Variants in KIR3DL1 observed in about 807,000 individuals in gnomAD.
The protein encoded by KIR3DL1 is killer cell immunoglobulin like receptor, three Ig domains and long cytoplasmic tail 1.
A neutral mutation model predicts 40.3 loss-of-function variants in KIR3DL1; 50 were observed. The ratio of observed to expected loss-of-function variants is 1.24; its 90% confidence interval spans 0.99 to 1.57. The LOEUF (loss-of-function observed/expected upper bound fraction) is 1.57. KIR3DL1 is among the 40% of genes most tolerant of loss of function. KIR3DL1 has a pLI of 0.00. For synonymous variants in KIR3DL1, 257 were observed against 207.2 expected (o/e 1.24, Z -2.07); for missense variants, 661 against 559.9 (o/e 1.18, Z -1.82).
At chr19:54,821,529 G>A (rs781179821) in intron 4 of KIR3DL1, 36 bp from the exon 5 acceptor site, 1 of 1,586,954 alleles carries the variant, frequency 6.3e-7, no homozygotes, top group Non-Finnish European at 8.6e-7. Flanking sequence ...TGACAAGGAA[G>A]AACCTCCCTG....
chr19:54,819,731 C>T (rs746815710), exon 4 of KIR3DL1: 1 of 1,609,062 alleles, frequency 6.2e-7, no homozygotes, highest in South Asian at 1.1e-5. Flanking sequence ...AGAAAACCTT[C>T]CCTCCTGGCC....
At chr19:54,828,098 CCT>C (rs2062002558) in intron 6 of KIR3DL1, among the ~76,000 whole-genome samples, 2 of 150,722 alleles carry the variant, frequency 1.3e-5, no homozygotes, top group Non-Finnish European at 1.5e-5. Flanking sequence ...CTTCCCCCAG[CCT>C]CTGAGGTAGA....
rs975878033 is a variant in KIR3DL1, at chr19:54,828,512, T to C, written c.1001-849T>C. 7.3e-5 allele frequency among the ~76,000 whole-genome samples: 11 copies of C among 150,968 alleles called. 1 individual carries two copies. Among genetic ancestry groups the C allele is most frequent in the African/African-American group, 2.7e-4 (11 of 40,574 alleles). ...AAGCCTACATTTCAATGTGAGCCAG[T>C]TCCCCAAGGCTCAGAAAAGCTGCTC... On this transcript the variant is annotated intron_variant, in intron 6 of 8. Transcript: ENST00000391728.
chr19:54,829,310 A>G lies in KIR3DL1; in HGVS notation c.1001-51A>G, dbSNP rs1386670562. On this transcript the variant is annotated intron_variant, in intron 6 of 8. Transcript: ENST00000391728. ...AATCAAGAAATGCAAGACAATTCAT[A>G]TAGAGAAACTGCTATGATTAGCTTC... 3.7e-6 allele frequency: 5 copies of G among 1,335,890 alleles called. 2 individuals carry two copies. Among genetic ancestry groups the G allele is most frequent in the Admixed American group, 1.8e-5 (1 of 54,620 alleles). The allele number at this position is 1,335,890 out of a possible 1,614,324, so 82.8% of individuals were successfully genotyped here. A position where few individuals can be genotyped will look rare whatever the true frequency, so the allele number is the denominator to read the frequency against.
intron 7 of KIR3DL1, 66 bp from the exon 8 acceptor site, chr19:54,829,862 T>C (rs571964135): frequency 2.1e-6 from 3 of 1,422,708 alleles, no homozygotes; most frequent in African/African-American, 1.4e-5. Flanking sequence ...TTTGTTGGTA[T>C]CTGCTTATGA....
chr19:54,820,195 A>G (rs900358692), intron 4 of KIR3DL1, among the ~76,000 whole-genome samples, 183 bp downstream of exon 4: 1 of 151,462 alleles, frequency 6.6e-6, no homozygotes, highest in African/African-American at 2.4e-5. Flanking sequence ...AACAGGTGTC[A>G]TAACAGAGGA....
intron 4 of KIR3DL1, among the ~76,000 whole-genome samples, chr19:54,820,324 G>T (rs569390315): frequency 6.6e-6 from 1 of 151,630 alleles, no homozygotes; most frequent in Non-Finnish European, 1.5e-5. Context: ...TCAGAGACCT[G>T]GCACAGGTTA....
chr19:54,818,508 A>T (rs2061468033), exon 3 of KIR3DL1: 2 of 1,611,354 alleles, frequency 1.2e-6, no homozygotes, highest in Admixed American at 1.7e-5. Flanking sequence ...TGACCACAGC[A>T]CATGCAGGGA....
At chr19:54,816,911 T>G (rs182610324) in intron 1 of KIR3DL1, among the ~76,000 whole-genome samples, 18,303 of 113,894 alleles carry the variant, frequency 0.16, 1,538 homozygotes, top group Middle Eastern at 0.31. Context: ...GGTGGAGTTA[T>G]GGGCCTGCAG....
exon 5 of KIR3DL1, chr19:54,821,765 A>T (rs1356189990): frequency 6.2e-7 from 1 of 1,607,758 alleles, no homozygotes; most frequent in East Asian, 2.2e-5. Flanking sequence ...GGGCCCTGCC[A>T]CCCACGGAGG....
chr19:54,819,512 T>C (rs1300052649), intron 3 of KIR3DL1, among the ~76,000 whole-genome samples: 1 of 151,026 alleles, frequency 6.6e-6, no homozygotes, highest in Non-Finnish European at 1.5e-5. Context: ...AGTCAGGGGC[T>C]ACTGGAGACA....
chr19:54,824,401 G>A (rs1443436110), intron 5 of KIR3DL1, among the ~76,000 whole-genome samples: 1 of 151,542 alleles, frequency 6.6e-6, no homozygotes. Flanking sequence ...AATGGGCTGG[G>A]TATGGTGGCT....
chr19:54,821,493 T>C, intron 4 of KIR3DL1, 72 bp from the exon 5 acceptor site: 1 of 1,507,976 alleles, frequency 6.6e-7, no homozygotes, highest in Non-Finnish European at 9.0e-7. Flanking sequence ...GGGAGTGAGT[T>C]CTCAGCTCAG....
At chr19:54,817,999 T>A (rs1211793567) in intron 2 of KIR3DL1, among the ~76,000 whole-genome samples, 1 of 149,048 alleles carries the variant, frequency 6.7e-6, no homozygotes, top group Non-Finnish European at 1.5e-5. Context: ...GGGGCTCAGT[T>A]CATCAATTGG....
rs543906385 is a variant in KIR3DL1, at chr19:54,819,593, C to T, written c.356-120C>T. 262 of 1,218,206 alleles carry T rather than the reference C, an allele frequency of 2.2e-4. 7 individuals are homozygous for T. In the Middle Eastern group the frequency reaches 3.3e-3, roughly 15 times the overall value. 75.5% of individuals were successfully genotyped at this position (1,218,206 alleles called of 1,614,324 possible). Reference sequence around the variant, plus strand: ...AGGGGATATGGGCACAGAAAAGACACGGAGATGCAGAGAGGGAGGAGAGAG... The same window carrying T: ...AGGGGATATGGGCACAGAAAAGACATGGAGATGCAGAGAGGGAGGAGAGAG... On this transcript the variant is annotated intron_variant, in intron 3 of 8. Transcript: ENST00000391728.
chr19:54,823,986 C>T (rs1197039603), intron 5 of KIR3DL1, among the ~76,000 whole-genome samples: 1 of 150,980 alleles, frequency 6.6e-6, no homozygotes, highest in East Asian at 1.9e-4. Context: ...CTTATATTTC[C>T]AGTTATTAAT....
At chr19:54,822,094 A>T (rs1476727547) in intron 5 of KIR3DL1, among the ~76,000 whole-genome samples, 1 of 150,972 alleles carries the variant, frequency 6.6e-6, no homozygotes, top group Non-Finnish European at 1.5e-5. Context: ...AGCGGTCAGG[A>T]CAGACCCAGA....
At position 54,829,607 on chromosome 19, in the gene KIR3DL1, C is replaced by T; in HGVS notation, c.1105+142C>T. 3.9e-6 allele frequency: 3 copies of T among 778,464 alleles called. 1 individual carries two copies. In the South Asian group the frequency reaches 5.7e-5, roughly 15 times the overall value. 48.2% of individuals were successfully genotyped at this position (778,464 alleles called of 1,614,324 possible). ...CAGAGGCAGGACTTTCTAGAGAGAG[C>T]ACCAGACTCCCTGCCCCTGCCTTCA... On this transcript the variant is annotated intron_variant, in intron 7 of 8. Coordinates refer to ENST00000391728, the Ensembl canonical transcript of KIR3DL1.
exon 7 of KIR3DL1, chr19:54,829,443 T>C: frequency 6.7e-7 from 1 of 1,499,516 alleles, no homozygotes; most frequent in Non-Finnish European, 9.1e-7. Context: ...TTCTCCTTCA[T>C]CTCTGGTGCT....
Sources: gnomAD v4.1 joint callset for allele counts (sites outside exome capture counted in the v4.1 genomes callset) on GRCh38, gnomAD v4.1.1 for gene constraint, MANE v1.5 for transcripts, NCBI Gene and HGNC (gene_info 2026-07-23, HGNC 2026-07-21) for gene names.